GREM2: variants seen among roughly 807,000 people sequenced by gnomAD.
GREM2 encodes the protein gremlin-2.
GREM2 carries 11 observed loss-of-function variants against 14.2 expected under a neutral mutation model. The ratio of observed to expected loss-of-function variants is 0.78; its 90% CI spans 0.49 to 1.28. The LOEUF (loss-of-function observed/expected upper bound fraction) is 1.28. Ranked by LOEUF, GREM2 falls within the 50% of genes most tolerant of loss-of-function variation. The pLI is 0.00. For synonymous variants in GREM2, 98 were observed against 97.6 expected (o/e 1.00, Z -0.02); for missense variants, 210 against 218.5 (o/e 0.96, Z 0.24).
At chr1:240,583,892 G>A (rs186425954) in intron 1 of GREM2, among the ~76,000 whole-genome samples, 12 of 152,042 alleles carry the variant, frequency 7.9e-5, no homozygotes, top group Admixed American at 2.6e-4. Context: ...ATGAGCCACC[G>A]CGCCCAGCCT....
At chr1:240,503,995 A>G (rs1199535717) in intron 1 of GREM2, among the ~76,000 whole-genome samples, 2 of 152,266 alleles carry the variant, frequency 1.3e-5, no homozygotes, top group African/African-American at 2.4e-5. Flanking sequence ...ATGATTGACC[A>G]GGTTTTACCT....
chr1:240,587,864 CT>C (rs1166459241), intron 1 of GREM2, among the ~76,000 whole-genome samples: 1 of 152,138 alleles, frequency 6.6e-6, no homozygotes, highest in East Asian at 1.9e-4. Context: ...TCTCTTTGGC[CT>C]GATTTGTAGG....
intron 1 of GREM2, chr1:240,530,540 T>C (rs1678330885): frequency 1.3e-5 from 2 of 152,168 alleles, no homozygotes; most frequent in African/African-American, 4.8e-5. Context: ...GTGGCTTCCA[T>C]GAAAAGAAAG....
chr1:240,609,802 G>A (rs1247894373), intron 1 of GREM2, among the ~76,000 whole-genome samples: 1 of 152,142 alleles, frequency 6.6e-6, no homozygotes, highest in East Asian at 1.9e-4. Flanking sequence ...AGAACTGAGA[G>A]TCTAATACCA....
chr1:240,565,470 G>GTATCATCAA (rs1418573438), intron 1 of GREM2, among the ~76,000 whole-genome samples: 3 of 152,054 alleles, frequency 2.0e-5, no homozygotes, highest in African/African-American at 7.2e-5. Context: ...ACTCCAATAA[G>GTATCATCAA]TATCATCAAT....
At chr1:240,524,201 A>C (rs1375133851) in intron 1 of GREM2, among the ~76,000 whole-genome samples, 2 of 152,208 alleles carry the variant, frequency 1.3e-5, no homozygotes, top group Non-Finnish European at 2.9e-5. Flanking sequence ...TTTTTTGTAA[A>C]GACAAAAAAT....
rs889885274 is a variant in GREM2 at position 240,564,746 on chromosome 1, T to C, written c.-2+47138A>G. Among the ~76,000 whole-genome samples the C allele has an allele frequency of 2.6e-4, 40 of 152,134 alleles. 1 individual carries two copies. The highest frequency in any genetic ancestry group is 7.5e-4 in the African/African-American group (31 of 41,434). ...CAAAGGCAAGGTATATTAACTGCAATAGATTAATATTGAATGTCTTTCCAT... is the reference window on the plus strand; with the variant it reads ...CAAAGGCAAGGTATATTAACTGCAACAGATTAATATTGAATGTCTTTCCAT... On this transcript the variant is annotated intron_variant, in intron 1 of 1. Coordinates refer to ENST00000318160, the MANE Select transcript of GREM2 (RefSeq NM_022469.4).
intron 1 of GREM2, among the ~76,000 whole-genome samples, chr1:240,582,185 C>T (rs1048119443): frequency 2.6e-5 from 4 of 152,342 alleles, no homozygotes; most frequent in East Asian, 1.9e-4. Context: ...TGCCTGTAAT[C>T]CCAGCACTTT....
At chr1:240,526,678 CG>C (rs1161609289) in intron 1 of GREM2, among the ~76,000 whole-genome samples, 12 of 152,204 alleles carry the variant, frequency 7.9e-5, no homozygotes, top group African/African-American at 2.7e-4. Context: ...TCCGTGCTTA[CG>C]TGGACGTGTC....
At chr1:240,524,161 C>A (rs999902355) in intron 1 of GREM2, among the ~76,000 whole-genome samples, 1 of 152,202 alleles carries the variant, frequency 6.6e-6, no homozygotes, top group African/African-American at 2.4e-5. Context: ...AAGCTATAGG[C>A]ACATGCCACC....
intron 1 of GREM2, among the ~76,000 whole-genome samples, chr1:240,544,974 A>G (rs182784872): frequency 6.6e-6 from 1 of 152,364 alleles, no homozygotes; most frequent in Admixed American, 6.5e-5. Context: ...ATATTGTGAA[A>G]TACATATTTG....
chr1:240,546,618 C>T (rs1678725633), intron 1 of GREM2, among the ~76,000 whole-genome samples: 1 of 152,152 alleles, frequency 6.6e-6, no homozygotes, highest in Non-Finnish European at 1.5e-5. Context: ...GAGGTATGGA[C>T]TACAGAGAAG....
At chr1:240,553,022 T>C (rs889433155) in intron 1 of GREM2, among the ~76,000 whole-genome samples, 9 of 152,314 alleles carry the variant, frequency 5.9e-5, no homozygotes, top group East Asian at 5.8e-4. Flanking sequence ...AATTCAGTGG[T>C]ATTTCTGGCA....
chr1:240,603,616 C>T (rs1242931986), intron 1 of GREM2, among the ~76,000 whole-genome samples: 1 of 145,872 alleles, frequency 6.9e-6, no homozygotes, highest in African/African-American at 2.4e-5. Context: ...AAATTTACTG[C>T]CCTACTGTGT....
intron 1 of GREM2, among the ~76,000 whole-genome samples, chr1:240,579,909 T>G (rs999457575): frequency 1.3e-5 from 2 of 152,226 alleles, no homozygotes. Context: ...TGATTCTGTT[T>G]CTACCTTGGG....
chr1:240,548,713 T>C (rs547485090), intron 1 of GREM2, among the ~76,000 whole-genome samples: 1 of 151,898 alleles, frequency 6.6e-6, no homozygotes, highest in South Asian at 2.1e-4. Context: ...TTTAGAGCCA[T>C]GAAAAGAGAT....
chr1:240,552,875 G>GT (rs1293462481), intron 1 of GREM2, among the ~76,000 whole-genome samples: 1 of 152,140 alleles, frequency 6.6e-6, no homozygotes, highest in Admixed American at 6.6e-5. Flanking sequence ...CTTCTCTTGT[G>GT]TAGTGTTCCA....
In GREM2 at chr1:240,540,920, T is replaced by A. The variant is rs1239500301; in HGVS notation, c.-1-47444A>T. On this transcript the variant is annotated intron_variant, in intron 1 of 1. Coordinates refer to ENST00000318160, the MANE Select transcript of GREM2 (RefSeq NM_022469.4). The surrounding 1 kb of genome is among the most constrained non-coding windows in gnomAD (Gnocchi z 4.2). ...GAGAGAGATGGCACTCATCAATCAGTTTGTCGCCTTCCAGCATTCTGGACC... is the reference window on the plus strand; with the variant it reads ...GAGAGAGATGGCACTCATCAATCAGATTGTCGCCTTCCAGCATTCTGGACC... Among the ~76,000 whole-genome samples the A allele has an allele frequency of 1.3e-5, 2 of 152,118 alleles. No homozygotes were observed. Among genetic ancestry groups the A allele is most frequent in the Non-Finnish European group, 2.9e-5 (2 of 68,016 alleles).
At chr1:240,581,339 C>CT (rs1300160214) in intron 1 of GREM2, among the ~76,000 whole-genome samples, 4 of 151,964 alleles carry the variant, frequency 2.6e-5, no homozygotes, top group Non-Finnish European at 5.9e-5. Context: ...GATTCTTAGT[C>CT]ATTAATTAAA....
Sources: allele counts gnomAD v4.1 joint callset (sites outside exome capture counted in the v4.1 genomes callset), GRCh38; gene constraint gnomAD v4.1.1; non-coding constraint Gnocchi (gnomAD v3.1); transcripts MANE v1.5; gene names NCBI Gene and HGNC (gene_info 2026-07-23, HGNC 2026-07-21).